Variants in FAM3D observed in about 807,000 individuals in gnomAD.
The protein encoded by FAM3D is protein FAM3D.
Under a neutral mutation model 29.8 loss-of-function variants are expected in FAM3D, and 26 were observed. The observed-to-expected ratio is 0.87, with a 90% CI of 0.64 to 1.21. The LOEUF (loss-of-function observed/expected upper bound fraction) is 1.21, where lower values mean the gene tolerates loss of function less well. Ranked by LOEUF, FAM3D falls within the 50% of genes most tolerant of loss-of-function variation. The pLI is 0.00. For synonymous variants in FAM3D, 115 were observed against 102.3 expected (o/e 1.12, Z -0.75); for missense variants, 253 against 290.9 (o/e 0.87, Z 0.95).
chr3:58,661,857 C>A (rs2066937706), intron 1 of FAM3D, among the ~76,000 whole-genome samples: 1 of 152,220 alleles, frequency 6.6e-6, no homozygotes, highest in South Asian at 2.1e-4. Flanking sequence ...TCGCACCCTC[C>A]ATCCCCCTTC....
chr3:58,652,731 G>A (rs1947049), intron 3 of FAM3D, among the ~76,000 whole-genome samples: 23,072 of 150,272 alleles, frequency 0.15, 1,818 homozygotes, highest in Middle Eastern at 0.2. Context: ...TCATTCATTC[G>A]CCCATCTCTC....
intron 6 of FAM3D, among the ~76,000 whole-genome samples, chr3:58,641,008 C>A (rs905520153): frequency 2.0e-5 from 3 of 150,638 alleles, no homozygotes; most frequent in African/African-American, 7.4e-5. Context: ...TGATCGCGTG[C>A]GCTTGTGAAT....
Position 58,635,240 on chromosome 3 carries a change from A to G in FAM3D, c.586-872T>C, listed in dbSNP as rs1178697439. On this transcript the variant is annotated intron_variant, in intron 9 of 9. Coordinates refer to ENST00000358781, the MANE Select transcript of FAM3D (RefSeq NM_138805.3). The surrounding 1 kb of genome is among the most constrained non-coding windows in gnomAD (Gnocchi z 5.2). ...AAAATCACTTAGGATTGTGTCTAAA[A>G]TGCTCAGGTTTGGATTATGAAAGAA... 6.6e-6 allele frequency among the ~76,000 whole-genome samples: 1 copy of G among 152,206 alleles called. No individual in the cohort carries two copies. The highest frequency in any genetic ancestry group is 1.5e-5 in the Non-Finnish European group (1 of 68,040).
intron 1 of FAM3D, among the ~76,000 whole-genome samples, chr3:58,656,164 C>T (rs1426367958): frequency 2.6e-5 from 4 of 152,190 alleles, no homozygotes; most frequent in African/African-American, 7.2e-5. Flanking sequence ...GAAGCCCAAT[C>T]GATCTTTGTT....
intron 1 of FAM3D, among the ~76,000 whole-genome samples, chr3:58,658,473 C>T (rs1327911397): frequency 6.6e-6 from 1 of 152,134 alleles, no homozygotes; most frequent in African/African-American, 2.4e-5. Context: ...TGGAGCAGCC[C>T]CGGGCCTTTG....
chr3:58,636,171 G>C lies in FAM3D; in HGVS notation c.585+123C>G, dbSNP rs72877715. 3.3e-5 allele frequency: 47 copies of C among 1,435,278 alleles called. No homozygotes were observed. The African/African-American group carries it at 6.7e-4, about 20-fold the overall frequency. The allele number at this position is 1,435,278 out of a possible 1,614,324, so 88.9% of individuals were successfully genotyped here. A position where few individuals can be genotyped will look rare whatever the true frequency, so the allele number is the denominator to read the frequency against. ...GCCTTTGGAGTGAATGACAGCCAGGGGCCTCTCCCCAGACAATCCTCCCAA... is the reference window on the plus strand; with the variant it reads ...GCCTTTGGAGTGAATGACAGCCAGGCGCCTCTCCCCAGACAATCCTCCCAA... On this transcript the variant is annotated intron_variant, in intron 9 of 9. Transcript: ENST00000358781.
intron 3 of FAM3D, among the ~76,000 whole-genome samples, chr3:58,651,782 G>GT (rs1179595971): frequency 6.7e-6 from 1 of 148,754 alleles, no homozygotes; most frequent in African/African-American, 2.5e-5. Flanking sequence ...GAGGCCATTA[G>GT]TGCAGCCACA....
At chr3:58,637,111 G>A in intron 8 of FAM3D, 30 bp downstream of exon 8, 1 of 1,595,454 alleles carries the variant, frequency 6.3e-7, no homozygotes, top group Middle Eastern at 1.7e-4. Context: ...GCATCACTGT[G>A]TGGCCTGGCA....
At position 58,649,314 on chromosome 3, in the gene FAM3D, C is replaced by T. The variant is rs1375763301; in HGVS notation, c.145+1G>A. On this transcript the variant is annotated splice_donor_variant, in intron 4 of 9. Coordinates refer to ENST00000358781, the MANE Select transcript of FAM3D (RefSeq NM_138805.3). LOFTEE classifies it high-confidence loss of function. ...AGGTGTGGGGCTGCACAGATACTCA[C>T]GGATCTCCTTGGTGGGCGAGGCTGC... The T allele has an allele frequency of 2.2e-5, 35 of 1,613,050 alleles. No individual in the cohort carries two copies. Among genetic ancestry groups the T allele is most frequent in the Non-Finnish European group, 3.0e-5 (35 of 1,179,574 alleles).
chr3:58,639,947 C>T (rs1206494305), intron 7 of FAM3D, among the ~76,000 whole-genome samples, 180 bp downstream of exon 7: 1 of 152,108 alleles, frequency 6.6e-6, no homozygotes, highest in African/African-American at 2.4e-5. Flanking sequence ...ACTGAGATGG[C>T]CAGAAGGAGT....
chr3:58,661,671 G>C lies in FAM3D; in HGVS notation c.-39+4905C>G, dbSNP rs2066933392. On this transcript the variant is annotated intron_variant, in intron 1 of 9. Transcript: ENST00000358781. ...ATCTAGGTCCTGTCATGGGAGCGTG[G>C]ACACAGTCCTCTCTCGGCCTCAGCT... is the stretch of plus-strand genomic sequence containing the variant. Among the ~76,000 whole-genome samples, 6 of 152,176 alleles carry C rather than the reference G, an allele frequency of 3.9e-5. No homozygotes were observed. In the South Asian group the frequency reaches 1.2e-3, roughly 32 times the overall value.
chr3:58,646,904 G>C (rs2066498471), intron 4 of FAM3D, among the ~76,000 whole-genome samples: 2 of 152,198 alleles, frequency 1.3e-5, no homozygotes, highest in Admixed American at 6.5e-5. Flanking sequence ...ACCTGAGGCT[G>C]GTAGGGACCA....
chr3:58,652,309 T>C (rs1408270736), intron 3 of FAM3D, among the ~76,000 whole-genome samples: 4 of 152,210 alleles, frequency 2.6e-5, no homozygotes, highest in African/African-American at 9.6e-5. Flanking sequence ...GTGGAACATT[T>C]GTGCAGGTTA....
In FAM3D at chr3:58,650,530, G is replaced by A. The variant is rs148138756; in HGVS notation, c.122-1192C>T. On this transcript the variant is annotated intron_variant, in intron 3 of 9. Transcript: ENST00000358781. ...TGCCCATGGAATGAGGCCCTAATCT[G>A]TTGAGGTCAAGTAGCAACAAGCAAA... Among the ~76,000 whole-genome samples, 37 of 152,172 alleles carry A rather than the reference G, an allele frequency of 2.4e-4. No homozygotes were observed. The East Asian group carries it at 7.2e-3, about 30-fold the overall frequency.
chr3:58,652,499 TCCATCTAC>T (rs1205825089), intron 3 of FAM3D, among the ~76,000 whole-genome samples: 4 of 145,578 alleles, frequency 2.7e-5, no homozygotes, highest in African/African-American at 1.0e-4. Flanking sequence ...CACCCTTCCC[TCCATCTAC>T]CCATCTACCC....
At chr3:58,643,500 C>G (rs1028962387) in intron 6 of FAM3D, among the ~76,000 whole-genome samples, 162 bp downstream of exon 6, 1 of 152,198 alleles carries the variant, frequency 6.6e-6, no homozygotes, top group Non-Finnish European at 1.5e-5. Flanking sequence ...GTCTTTGAGA[C>G]CTTCTGTTCC....
rs550689005 is a variant in FAM3D at position 58,634,505 on chromosome 3, G to A, written c.586-137C>T. 5.7e-6 allele frequency: 4 copies of A among 697,356 alleles called. No homozygotes were observed. The highest frequency in any genetic ancestry group is 2.9e-5 in the Admixed American group (1 of 34,930). 43.2% of individuals were successfully genotyped at this position (697,356 alleles called of 1,614,324 possible). ...CCACTTCACAGATGGGGAAACTGAG[G>A]CTCAGAGAGGGGATGCAACTTGCTC... On this transcript the variant is annotated intron_variant, in intron 9 of 9. Coordinates refer to ENST00000358781, the MANE Select transcript of FAM3D (RefSeq NM_138805.3). This position sits in a 1 kb window ranked among gnomAD's most constrained non-coding sequence, Gnocchi z 4.6.
chr3:58,643,551 T>C lies in FAM3D; in HGVS notation c.322+111A>G, dbSNP rs1247207221. 3.4e-6 allele frequency: 4 copies of C among 1,177,984 alleles called. No individual in the cohort carries two copies. In the African/African-American group the frequency reaches 6.0e-5, roughly 18 times the overall value. 73.0% of individuals were successfully genotyped at this position (1,177,984 alleles called of 1,614,324 possible). The stretch of plus-strand genomic sequence containing the variant: ...CTTCCCCTCCTGAGCTCTACGGGCA[T>C]TCCTGCCATGAGGTAGGAGCTGAGC... On this transcript the variant is annotated intron_variant, in intron 6 of 9. Transcript: ENST00000358781.
intron 5 of FAM3D, among the ~76,000 whole-genome samples, chr3:58,643,922 G>C (rs2066406172): frequency 6.6e-6 from 1 of 152,166 alleles, no homozygotes; most frequent in Non-Finnish European, 1.5e-5. Context: ...AGGCATGTTG[G>C]ACCAGAACAA....
Sources: gnomAD v4.1 joint callset for allele counts (sites outside exome capture counted in the v4.1 genomes callset) on GRCh38, gnomAD v4.1.1 for gene constraint, Gnocchi (gnomAD v3.1) non-coding constraint, MANE v1.5 for transcripts, NCBI Gene and HGNC (gene_info 2026-07-23, HGNC 2026-07-21) for gene names.